Variants in ARFGEF2 observed in about 807,000 individuals in gnomAD.
ARFGEF2 encodes ARF guanine nucleotide exchange factor 2, also known as brefeldin A-inhibited guanine nucleotide-exchange protein 2.
Under a neutral mutation model 219.9 loss-of-function variants are expected in ARFGEF2, and 74 were observed. The observed-to-expected ratio is 0.34, with a 90% CI of 0.28 to 0.41. ARFGEF2 has a LOEUF of 0.41. Among genes scored for constraint, ARFGEF2 ranks in the 10% least tolerant of loss-of-function variants. ARFGEF2 has a pLI of 1.00. For missense variants in ARFGEF2, 1,743 were observed against 2,218.3 expected, an observed-to-expected ratio of 0.79 and a Z score of 4.30; for synonymous variants, 733 against 799.2, an observed-to-expected ratio of 0.92 and a Z score of 1.40.
At chr20:48,976,347 G>A in intron 14 of ARFGEF2, 148 bp downstream of exon 14, 1 of 924,812 alleles carries the variant, frequency 1.1e-6, no homozygotes. Context: ...CAGGCAATCA[G>A]TAAATGAGCG....
intron 23 of ARFGEF2, among the ~76,000 whole-genome samples, chr20:48,997,398 A>T (rs903161928): frequency 1.3e-5 from 2 of 152,080 alleles, no homozygotes; most frequent in African/African-American, 4.8e-5. Context: ...TCAGCCGCCC[A>T]AGTAGCTGGG....
chr20:49,005,324 A>C, intron 26 of ARFGEF2, 103 bp downstream of exon 26: 1 of 1,390,526 alleles, frequency 7.2e-7, no homozygotes. Context: ...CTCCCTTGTC[A>C]GTGGAAACAA....
intron 36 of ARFGEF2, among the ~76,000 whole-genome samples, chr20:49,028,080 A>G (rs2091613507): frequency 6.6e-6 from 1 of 152,154 alleles, no homozygotes; most frequent in Admixed American, 6.5e-5. Flanking sequence ...CAACATGGAG[A>G]AACCCTGTCT....
intron 6 of ARFGEF2, among the ~76,000 whole-genome samples, chr20:48,962,294 A>G (rs2091158144): frequency 6.6e-6 from 1 of 152,236 alleles, no homozygotes; most frequent in Non-Finnish European, 1.5e-5. Context: ...CTGGTAGCAC[A>G]GTAGGTTTGT....
chr20:48,991,477 T>C (rs1022948158), intron 21 of ARFGEF2, among the ~76,000 whole-genome samples: 3 of 151,990 alleles, frequency 2.0e-5, no homozygotes, highest in African/African-American at 7.3e-5. Flanking sequence ...TTTTTTTTTT[T>C]TTTTAGTCCT....
At chr20:48,998,551 A>T (rs1382713301) in intron 25 of ARFGEF2, 46 bp downstream of exon 25, 2 of 1,372,744 alleles carry the variant, frequency 1.5e-6, no homozygotes, top group Non-Finnish European at 2.0e-6. Flanking sequence ...AAAAAAAAAA[A>T]GTAGACAACT....
At chr20:49,026,680 G>T (rs2091605725) in intron 36 of ARFGEF2, among the ~76,000 whole-genome samples, 1 of 151,376 alleles carries the variant, frequency 6.6e-6, no homozygotes, top group Non-Finnish European at 1.5e-5. Context: ...CTACCTCCCG[G>T]GTTCAAGCAA....
intron 4 of ARFGEF2, 37 bp from the exon 5 acceptor site, chr20:48,952,668 C>T (rs770277872): frequency 5.6e-6 from 9 of 1,609,326 alleles, no homozygotes; most frequent in South Asian, 1.1e-5. Context: ...AGGTGATGTG[C>T]GTTCCTGATG....
intron 18 of ARFGEF2, 78 bp from the exon 19 acceptor site, chr20:48,989,207 C>T (rs541258243): frequency 6.7e-7 from 1 of 1,486,414 alleles, no homozygotes; most frequent in African/African-American, 1.4e-5. Context: ...AATCATTGTG[C>T]ATCTTTTGAA....
At chr20:48,924,654 A>G (rs188741298) in intron 1 of ARFGEF2, among the ~76,000 whole-genome samples, 90 of 152,242 alleles carry the variant, frequency 5.9e-4, no homozygotes, top group African/African-American at 1.9e-3. Flanking sequence ...AAATGCTTGG[A>G]TGATAGAGAG....
At chr20:49,014,017 C>T (rs1372389697) in intron 30 of ARFGEF2, 57 bp downstream of exon 30, 14 of 1,608,206 alleles carry the variant, frequency 8.7e-6, no homozygotes, top group Admixed American at 8.3e-5. Flanking sequence ...CCTTTCTGGC[C>T]GGTATTTGCC....
At chr20:48,967,954 A>C (rs181750961) in intron 8 of ARFGEF2, among the ~76,000 whole-genome samples, 73 of 152,234 alleles carry the variant, frequency 4.8e-4, no homozygotes, top group African/African-American at 1.7e-3. Context: ...GAGAACTTTT[A>C]TATGTGGGGG....
At chr20:48,982,523 C>T (rs576627715) in intron 14 of ARFGEF2, among the ~76,000 whole-genome samples, 3 of 152,262 alleles carry the variant, frequency 2.0e-5, no homozygotes, top group East Asian at 3.9e-4. Flanking sequence ...AGAACCACTG[C>T]TGAGAGCTGT....
rs2091347362 is a variant in ARFGEF2, at chr20:48,989,835, T to A, written c.2814+151T>A. Reference sequence around the variant, plus strand: ...TACTGACAAGAAATCCGTAGCTTTGTGATGACAGCTCGTTAGGGGCAAAAA... The same window carrying A: ...TACTGACAAGAAATCCGTAGCTTTGAGATGACAGCTCGTTAGGGGCAAAAA... On this transcript the variant is annotated intron_variant, in intron 20 of 38. Coordinates refer to ENST00000371917, the MANE Select transcript of ARFGEF2 (RefSeq NM_006420.3). The A allele has an allele frequency of 6.5e-6, 8 of 1,237,224 alleles. No individual in the cohort carries two copies. In the Admixed American group the frequency reaches 7.9e-5, roughly 12 times the overall value. The allele number at this position is 1,237,224 out of a possible 1,614,324, so 76.6% of individuals were successfully genotyped here.
chr20:48,999,042 C>G (rs1041309348), intron 25 of ARFGEF2, among the ~76,000 whole-genome samples: 3 of 152,016 alleles, frequency 2.0e-5, no homozygotes, highest in Admixed American at 6.6e-5. Context: ...TTGAGACCAG[C>G]CTGGCCAACA....
intron 1 of ARFGEF2, among the ~76,000 whole-genome samples, chr20:48,928,684 C>T (rs1000141062): frequency 6.6e-6 from 1 of 150,840 alleles, no homozygotes. Context: ...TTAGTAGAGA[C>T]GGGGTTTCAC....
chr20:49,025,727 A>T lies in ARFGEF2; in HGVS notation c.4924+246A>T, dbSNP rs1035256893. Among the ~76,000 whole-genome samples, 5 of 152,136 alleles carry T rather than the reference A, an allele frequency of 3.3e-5. No homozygotes were observed. The South Asian group carries it at 6.2e-4, about 19-fold the overall frequency. On this transcript the variant is annotated intron_variant, in intron 36 of 38. Coordinates refer to ENST00000371917, the MANE Select transcript of ARFGEF2 (RefSeq NM_006420.3). ...GGTGGTCCATGCCTGTAATCCCAAC[A>T]CTTTGGGAGGCTGAGGCAGGCCTCA...
At chr20:49,004,646 C>T (rs1300739669) in intron 25 of ARFGEF2, among the ~76,000 whole-genome samples, 1 of 151,020 alleles carries the variant, frequency 6.6e-6, no homozygotes, top group Non-Finnish European at 1.5e-5. Flanking sequence ...ACTAAAAATA[C>T]AAAAATCAGC....
intron 26 of ARFGEF2, 63 bp from the exon 27 acceptor site, chr20:49,010,169 A>G (rs1311449268): frequency 1.3e-5 from 20 of 1,564,886 alleles, no homozygotes; most frequent in South Asian, 1.0e-4. Context: ...GGGATGAGCT[A>G]TGTTCATTTC....
Sources: allele counts gnomAD v4.1 joint callset (sites outside exome capture counted in the v4.1 genomes callset), GRCh38; gene constraint gnomAD v4.1.1; transcripts MANE v1.5; gene names NCBI Gene and HGNC (gene_info 2026-07-23, HGNC 2026-07-21).